The following MBD3L1 variants were observed in gnomAD, a reference collection of about 807,000 sequenced individuals.
The protein encoded by MBD3L1 is methyl-CpG-binding domain protein 3-like 1.
For synonymous variants in MBD3L1, 84 were observed against 85.1 expected (o/e 0.99, Z 0.07); for missense variants, 203 against 230.1 (o/e 0.88, Z 0.76).
At position 8,832,384 on chromosome 19, in the gene MBD3L1, C is replaced by T. The variant is rs920162694; in HGVS notation, c.-245C>T. 6.5e-6 allele frequency: 1 copy of T among 152,702 alleles called. No individual in the cohort carries two copies. The highest frequency in any genetic ancestry group is 2.4e-5 in the African/African-American group (1 of 41,464). The allele number at this position is 152,702 out of a possible 1,614,324, so 9.5% of individuals were successfully genotyped here. A position where few individuals can be genotyped will look rare whatever the true frequency, so the allele number is the denominator to read the frequency against. ...GCTCGCGCGGGCAGCCTCGCAGAGT[C>T]GAGCGTGTTGGGGGTTCGGCGCTTA... On this transcript the variant is annotated 5_prime_UTR_variant, in exon 1 of 3. Coordinates refer to ENST00000595891, the MANE Select transcript of MBD3L1 (RefSeq NM_001393532.1).
chr19:8,834,552 G>A lies in MBD3L1; in HGVS notation c.-107+2030G>A, dbSNP rs570185812. 1.8e-3 allele frequency among the ~76,000 whole-genome samples: 268 copies of A among 148,736 alleles called. 1 individual carries two copies. The highest frequency in any genetic ancestry group is 3.5e-3 in the Middle Eastern group (1 of 282). Reference sequence around the variant, plus strand: ...GAACCCAGGAGGTGGAGATTGCAGTGAGCCGAGATCACCCCACTGCACTCC... The same window carrying A: ...GAACCCAGGAGGTGGAGATTGCAGTAAGCCGAGATCACCCCACTGCACTCC... On this transcript the variant is annotated intron_variant, in intron 1 of 2. Coordinates refer to ENST00000595891, the MANE Select transcript of MBD3L1 (RefSeq NM_001393532.1).
chr19:8,832,621 G>A (rs2044390366), intron 1 of MBD3L1, 99 bp downstream of exon 1: 1 of 152,486 alleles, frequency 6.6e-6, no homozygotes, highest in Non-Finnish European at 1.5e-5. Flanking sequence ...CGGGGCTGAA[G>A]GCGGGGAACC....
At chr19:8,833,866 T>G (rs1306617100) in intron 1 of MBD3L1, among the ~76,000 whole-genome samples, 1 of 151,906 alleles carries the variant, frequency 6.6e-6, no homozygotes, top group Non-Finnish European at 1.5e-5. Flanking sequence ...GGATGCCTTG[T>G]AATCCCAGGT....
chr19:8,842,622 A>G, intron 2 of MBD3L1, 36 bp from the exon 3 acceptor site: 1 of 1,455,750 alleles, frequency 6.9e-7, no homozygotes, highest in South Asian at 1.3e-5. Flanking sequence ...GGCTTCATTG[A>G]TCAATTTGAC....
chr19:8,843,245 CCG>C lies in MBD3L1; in HGVS notation c.568_569del (p.Arg190SerfsTer2), dbSNP rs2044531786. 1 of 1,587,718 alleles carries C rather than the reference CCG, an allele frequency of 6.3e-7. No homozygotes were observed. The highest frequency in any genetic ancestry group is 8.6e-7 in the Non-Finnish European group (1 of 1,168,664). ...CAGAGAAAGTGAGAGACCAAGAAGGCCGTCCTGAAAAACGCTAAGAAAAAAAG... is the reference window on the plus strand; with the variant it reads ...CAGAGAAAGTGAGAGACCAAGAAGGCTCCTGAAAAACGCTAAGAAAAAAAG... ...EAEKVRDQEG[R>X]PEKR On this transcript the variant is annotated frameshift_variant, in exon 3 of 3. Transcript: ENST00000595891. LOFTEE classifies it high-confidence loss of function.
chr19:8,832,719 G>C (rs2145330238), intron 1 of MBD3L1, among the ~76,000 whole-genome samples, 197 bp downstream of exon 1: 1 of 152,158 alleles, frequency 6.6e-6, no homozygotes, highest in African/African-American at 2.4e-5. Flanking sequence ...CCCAGTTCTC[G>C]GGGCGGATGG....
At chr19:8,838,909 G>A (rs1251826980) in intron 1 of MBD3L1, among the ~76,000 whole-genome samples, 3 of 152,130 alleles carry the variant, frequency 2.0e-5, no homozygotes, top group African/African-American at 4.8e-5. Context: ...TGTGCAGACC[G>A]AGGTCTTTTG....
Position 8,842,776 on chromosome 19 carries a change from A to G in MBD3L1, c.98A>G (p.Tyr33Cys). The change falls in exon 3 of 3, where the codon TAC becomes TGC. Residue 33 changes from tyrosine to cysteine, a missense_variant. Transcript: ENST00000595891. ...TCAATCCCTTTGAGAATGTCCAGTT[A>G]CACATTCAAGAGGCCAGTAACGAGA... ...STSIPLRMSS[Y>C]TFKRPVTRIT... 6.2e-7 allele frequency: 1 copy of G among 1,614,220 alleles called. No homozygotes were observed. The highest frequency in any genetic ancestry group is 8.5e-7 in the Non-Finnish European group (1 of 1,180,010).
chr19:8,842,094 GA>G (rs1243220521), intron 2 of MBD3L1, among the ~76,000 whole-genome samples: 1 of 152,068 alleles, frequency 6.6e-6, no homozygotes, highest in African/African-American at 2.4e-5. Flanking sequence ...TTGGGAGGTC[GA>G]GGGGGGGTGG....
rs945527185 is a variant in MBD3L1, at chr19:8,842,835, C to T, written c.157C>T (p.His53Tyr). Residue 53 changes from histidine to tyrosine, a missense_variant, in exon 3 of 3, where the codon CAT (histidine) becomes TAT (tyrosine). His to Tyr is a moderately conservative substitution (Grantham distance 83). Transcript: ENST00000595891. Reference sequence around the variant, plus strand: ...CCATCCTGGCAATGAGGTCAGATACCATCAATGGGAGGAGAGCTTGGAGAA... The same window carrying T: ...CCATCCTGGCAATGAGGTCAGATACTATCAATGGGAGGAGAGCTTGGAGAA... ...TPHPGNEVRY[H>Y]QWEESLEKPQ... 6.2e-7 allele frequency: 1 copy of T among 1,614,048 alleles called. No homozygotes were observed. Among genetic ancestry groups the T allele is most frequent in the East Asian group, 2.2e-5 (1 of 44,780 alleles).
At chr19:8,839,239 C>T (rs2145351167) in intron 1 of MBD3L1, among the ~76,000 whole-genome samples, 1 of 136,780 alleles carries the variant, frequency 7.3e-6, no homozygotes, top group Admixed American at 7.9e-5. Flanking sequence ...GGCTGGAGTG[C>T]AGTGGCGCCA....
At position 8,843,104 on chromosome 19, in the gene MBD3L1, C is replaced by T. The variant is rs2044529525; in HGVS notation, c.426C>T (p.Leu142=). Residue 142 remains leucine (L), a synonymous_variant, in exon 3 of 3, where the codon CTC becomes CTT. Coordinates refer to ENST00000595891, the MANE Select transcript of MBD3L1 (RefSeq NM_001393532.1). The stretch of plus-strand genomic sequence containing the variant: ...CAGAGGGAGTGGGTATCTCGCAGCT[C>T]CTCTGCAAACAATTTCTGGTTACTG... ...IPAEGVGISQ[L]LCKQFLVTEE... is the part of the protein sequence containing the mutation. 1.1e-5 allele frequency: 18 copies of T among 1,613,520 alleles called. No homozygotes were observed. Among genetic ancestry groups the T allele is most frequent in the Non-Finnish European group, 1.4e-5 (16 of 1,179,830 alleles).
At chr19:8,834,983 A>G (rs566309312) in intron 1 of MBD3L1, among the ~76,000 whole-genome samples, 1 of 152,194 alleles carries the variant, frequency 6.6e-6, no homozygotes, top group Non-Finnish European at 1.5e-5. Flanking sequence ...CATGACTTGT[A>G]TTCAAAATAT....
At chr19:8,841,322 C>T (rs757393336) in intron 2 of MBD3L1, among the ~76,000 whole-genome samples, 2 of 151,648 alleles carry the variant, frequency 1.3e-5, no homozygotes, top group African/African-American at 2.4e-5. Flanking sequence ...GTGGAGCCAC[C>T]GTGCCCGGCC....
intron 1 of MBD3L1, among the ~76,000 whole-genome samples, 199 bp from the exon 2 acceptor site, chr19:8,840,716 G>C (rs959696053): frequency 3.3e-5 from 5 of 152,180 alleles, no homozygotes; most frequent in Non-Finnish European, 5.9e-5. Flanking sequence ...AAGTTAAGGA[G>C]AATTAAATAT....
intron 1 of MBD3L1, among the ~76,000 whole-genome samples, chr19:8,836,780 A>G (rs1265925695): frequency 1.3e-5 from 2 of 152,174 alleles, no homozygotes; most frequent in Non-Finnish European, 2.9e-5. Flanking sequence ...GCATGACCCC[A>G]TCGTATCCAG....
At chr19:8,835,555 T>C (rs895278239) in intron 1 of MBD3L1, among the ~76,000 whole-genome samples, 2 of 152,246 alleles carry the variant, frequency 1.3e-5, no homozygotes, top group South Asian at 2.1e-4. Flanking sequence ...CAAGGAGAAA[T>C]TGGAATTCTT....
At chr19:8,842,554 G>C in intron 2 of MBD3L1, 104 bp from the exon 3 acceptor site, 1 of 804,492 alleles carries the variant, frequency 1.2e-6, no homozygotes, top group Non-Finnish European at 1.9e-6. Context: ...CCTATCCCCA[G>C]AGGGAGAGAG....
chr19:8,832,880 C>A (rs528565863), intron 1 of MBD3L1, among the ~76,000 whole-genome samples: 17 of 150,290 alleles, frequency 1.1e-4, no homozygotes, highest in African/African-American at 3.4e-4. Flanking sequence ...AGCTCCGGGC[C>A]GGGCGGAGGG....
Sources: gnomAD v4.1 joint callset for allele counts (sites outside exome capture counted in the v4.1 genomes callset) on GRCh38, gnomAD v4.1.1 for gene constraint, MANE v1.5 for transcripts, NCBI Gene and HGNC (gene_info 2026-07-23, HGNC 2026-07-21) for gene names.